Variants in TOPAZ1 observed in about 807,000 individuals in gnomAD.
The protein encoded by TOPAZ1 is testis and ovary specific TOPAZ 1.
TOPAZ1 carries 66 observed loss-of-function variants against 172.2 expected under a neutral mutation model. The observed-to-expected ratio is 0.38, with a 90% CI of 0.31 to 0.47. The LOEUF (loss-of-function observed/expected upper bound fraction) is 0.47, where lower values mean the gene tolerates loss of function less well. Ranked by LOEUF, TOPAZ1 falls within the 20% of genes least tolerant of loss-of-function variation. The probability of loss-of-function intolerance (pLI) is 0.99; values close to 1 mark genes in which losing one functional copy is unlikely to be tolerated. For missense variants in TOPAZ1, 1,822 were observed against 1,972.4 expected (o/e 0.92, Z 1.44); for synonymous variants, 681 against 683.9 (o/e 1.00, Z 0.07).
Position 44,242,152 on chromosome 3 carries a change from G to GGGAGGCTGTGGCCC in TOPAZ1, c.100_113dup (p.Gly41ValfsTer54). ...GGCAGGCGCCAGGGCCAGGCGCGGC[G>GGGAGGCTGTGGCCC]GGAGGCTGTGGCCCTGAGGCCGGGG... On this transcript the variant is annotated frameshift_variant, in exon 1 of 20. Transcript: ENST00000309765. LOFTEE classifies it high-confidence loss of function. The GGGAGGCTGTGGCCC allele has an allele frequency of 4.5e-6, 7 of 1,548,644 alleles. No individual in the cohort carries two copies. The highest frequency in any genetic ancestry group is 6.1e-6 in the Non-Finnish European group (7 of 1,146,284).
chr3:44,256,128 A>C (rs1414697713), intron 3 of TOPAZ1, 23 bp from the exon 4 acceptor site: 2 of 1,469,092 alleles, frequency 1.4e-6, no homozygotes, highest in Non-Finnish European at 9.0e-7. Flanking sequence ...AAGTTTCTAT[A>C]GTTGAATATT....
intron 18 of TOPAZ1, 125 bp downstream of exon 18, chr3:44,323,420 G>A: frequency 1.8e-6 from 1 of 567,634 alleles, no homozygotes; most frequent in Non-Finnish European, 2.9e-6. Context: ...TTCAAATGTA[G>A]TGGTCTCAAC....
intron 16 of TOPAZ1, among the ~76,000 whole-genome samples, chr3:44,312,442 T>C (rs1700407386): frequency 1.3e-5 from 2 of 152,220 alleles, no homozygotes; most frequent in African/African-American, 4.8e-5. Context: ...TTTTTACATA[T>C]ATTTTTCCTT....
At chr3:44,293,142 T>C (rs1462319212) in intron 12 of TOPAZ1, among the ~76,000 whole-genome samples, 1 of 152,216 alleles carries the variant, frequency 6.6e-6, no homozygotes, top group African/African-American at 2.4e-5. Context: ...TTTGTGGTGA[T>C]ACTAGTGTAA....
In TOPAZ1 at chr3:44,295,126, G is replaced by A. The variant is rs80125962; in HGVS notation, c.3797+4240G>A. Among the ~76,000 whole-genome samples, 1,097 of 152,150 alleles carry A rather than the reference G, an allele frequency of 7.2e-3. 7 individuals carry two copies. The highest frequency in any genetic ancestry group is 0.025 in the African/African-American group (1,047 of 41,522). On this transcript the variant is annotated intron_variant, in intron 12 of 19. Transcript: ENST00000309765. Reference sequence around the variant, plus strand: ...CATTCTGATTAACTGTAGTTTTTGAGTATCTCTCTTTGTAGATATATATTT... The same window carrying A: ...CATTCTGATTAACTGTAGTTTTTGAATATCTCTCTTTGTAGATATATATTT...
chr3:44,285,018 C>T (rs1177085555), intron 9 of TOPAZ1, among the ~76,000 whole-genome samples: 2 of 152,114 alleles, frequency 1.3e-5, no homozygotes, highest in African/African-American at 2.4e-5. Context: ...AATATTGTTT[C>T]TTCTTGTGAA....
chr3:44,263,466 C>T (rs1373406827), intron 5 of TOPAZ1, among the ~76,000 whole-genome samples: 2 of 152,166 alleles, frequency 1.3e-5, no homozygotes, highest in Non-Finnish European at 2.9e-5. Flanking sequence ...ATCATCTCTT[C>T]CATCTATAAA....
At chr3:44,294,711 G>T (rs1454092728) in intron 12 of TOPAZ1, among the ~76,000 whole-genome samples, 2 of 151,966 alleles carry the variant, frequency 1.3e-5, no homozygotes, top group African/African-American at 4.8e-5. Flanking sequence ...TCAACATGTT[G>T]CCCAGTCTGG....
chr3:44,257,809 T>C (rs771127007), intron 4 of TOPAZ1, among the ~76,000 whole-genome samples: 47 of 152,158 alleles, frequency 3.1e-4, no homozygotes, highest in Non-Finnish European at 6.2e-4. Flanking sequence ...TTATCAAATA[T>C]GCAGATTTAT....
At chr3:44,326,188 A>G (rs1229075067) in intron 18 of TOPAZ1, among the ~76,000 whole-genome samples, 2 of 152,220 alleles carry the variant, frequency 1.3e-5, no homozygotes, top group African/African-American at 4.8e-5. Flanking sequence ...TGACTCATAC[A>G]GTAAATCTAT....
In TOPAZ1 at chr3:44,243,170, T is replaced by A. The variant is rs1395077734; in HGVS notation, c.664T>A (p.Ser222Thr). ...NILSPEVENN[S>T]VLKLRDCNCF... is the part of the protein sequence containing the mutation. ...CTTGTCACCTGAAGTAGAAAATAAT[T>A]CCGTTTTAAAATTACGTGATTGCAA... Residue 222 changes from serine (S) to threonine (T), a missense_variant, in exon 2 of 20, where the codon TCC becomes ACC. Coordinates refer to ENST00000309765, the MANE Select transcript of TOPAZ1 (RefSeq NM_001145030.2). 1 of 1,549,706 alleles carries A rather than the reference T, an allele frequency of 6.5e-7. No homozygotes were observed. The highest frequency in any genetic ancestry group is 8.7e-7 in the Non-Finnish European group (1 of 1,146,166).
At chr3:44,250,710 C>A (rs1268507122) in intron 2 of TOPAZ1, among the ~76,000 whole-genome samples, 2 of 152,134 alleles carry the variant, frequency 1.3e-5, no homozygotes, top group Non-Finnish European at 2.9e-5. Context: ...CAAACTACCG[C>A]AGAACATTAT....
In TOPAZ1 at chr3:44,321,102, G is replaced by C. The variant is rs1310221511; in HGVS notation, c.4382G>C (p.Cys1461Ser). The change falls in exon 17 of 20, where the codon TGT becomes TCT. Residue 1461 changes from cysteine (C) to serine (S), a missense_variant. Physicochemically the swap from Cys to Ser is moderately radical, Grantham distance 112. This residue lies in a region of TOPAZ1 where 333 missense variants were observed against 481.7 expected (regional missense o/e 0.69). Coordinates refer to ENST00000309765, the MANE Select transcript of TOPAZ1 (RefSeq NM_001145030.2). ...GTGCTTAATCGACATAATTTACTCTGTACAATTGCACATGAAATCTTAGCC... is the reference window on the plus strand; with the variant it reads ...GTGCTTAATCGACATAATTTACTCTCTACAATTGCACATGAAATCTTAGCC... ...LDVLNRHNLL[C>S]TIAHEILAKS... is the part of the protein sequence containing the mutation. 1.3e-6 allele frequency: 2 copies of C among 1,550,486 alleles called. No homozygotes were observed. The highest frequency in any genetic ancestry group is 1.7e-4 in the Middle Eastern group (1 of 5,988).
chr3:44,287,867 CT>C lies in TOPAZ1; in HGVS notation c.3681+29del, dbSNP rs1423694609. 28 of 1,121,904 alleles carry C rather than the reference CT, an allele frequency of 2.5e-5. No homozygotes were observed. In the Middle Eastern group the frequency reaches 7.8e-4, roughly 31 times the overall value. 69.5% of individuals were successfully genotyped at this position (1,121,904 alleles called of 1,614,324 possible). ...ATGGTTTTATTTTCTCTTTTATTCT[CT>C]GATGGCGAGTAACCAAGAAAATAAT... On this transcript the variant is annotated intron_variant, in intron 11 of 19. Coordinates refer to ENST00000309765, the MANE Select transcript of TOPAZ1 (RefSeq NM_001145030.2).
chr3:44,334,827 C>A (rs1700706133), downstream of TOPAZ1, among the ~76,000 whole-genome samples: 1 of 152,166 alleles, frequency 6.6e-6, no homozygotes, highest in South Asian at 2.1e-4. Flanking sequence ...AGCACAGACT[C>A]CTCCTTATTC....
rs776510376 is a variant in TOPAZ1, at chr3:44,242,112, G to A, written c.59G>A (p.Arg20Gln). The change falls in exon 1 of 20, where the codon CGA (arginine) becomes CAA (glutamine). Residue 20 changes from arginine (R) to glutamine (Q), a missense_variant. Physicochemically the swap from Arg to Gln is conservative, Grantham distance 43. Coordinates refer to ENST00000309765, the MANE Select transcript of TOPAZ1 (RefSeq NM_001145030.2). ...TTASGPEGNV[R>Q]NLQKRQAPGP... ...GCCTCAGGGCCTGAAGGCAATGTGC[G>A]AAACCTGCAGAAGCGGCAGGCGCCA... The A allele has an allele frequency of 1.2e-5, 18 of 1,548,572 alleles. No homozygotes were observed. The South Asian group carries it at 1.2e-4, about 10-fold the overall frequency.
intron 4 of TOPAZ1, among the ~76,000 whole-genome samples, chr3:44,258,025 A>G (rs909133014): frequency 2.0e-5 from 3 of 151,286 alleles, no homozygotes; most frequent in Non-Finnish European, 4.4e-5. Context: ...TTTTTTTCCT[A>G]TGTTGCTTTT....
chr3:44,320,149 AG>A (rs1700492914), intron 16 of TOPAZ1, among the ~76,000 whole-genome samples: 1 of 152,250 alleles, frequency 6.6e-6, no homozygotes, highest in Admixed American at 6.5e-5. Flanking sequence ...TTTTTTAAAG[AG>A]GGTCTGAGGT....
chr3:44,272,320 A>G (rs1386865624), intron 8 of TOPAZ1, among the ~76,000 whole-genome samples: 2 of 152,242 alleles, frequency 1.3e-5, no homozygotes, highest in African/African-American at 2.4e-5. Flanking sequence ...AGGAATGACC[A>G]TACAGTTTTC....
Sources: gnomAD v4.1 joint callset for allele counts (sites outside exome capture counted in the v4.1 genomes callset) on GRCh38, gnomAD v4.1.1 for gene constraint, gnomAD v4.1.1 regional missense constraint, MANE v1.5 for transcripts, NCBI Gene and HGNC (gene_info 2026-07-23, HGNC 2026-07-21) for gene names.